The following NSD3 variants were observed in gnomAD, a reference collection of about 807,000 sequenced individuals.
NSD3 encodes histone-lysine N-methyltransferase NSD3.
Under a neutral mutation model 160.8 loss-of-function variants are expected in NSD3, and 24 were observed. The ratio of observed to expected loss-of-function variants is 0.15; its 90% confidence interval spans 0.11 to 0.21. The LOEUF (loss-of-function observed/expected upper bound fraction) is 0.21. Ranked by LOEUF, NSD3 falls within the 10% of genes least tolerant of loss-of-function variation. The pLI is 1.00. For missense variants in NSD3, 1,157 were observed against 1,735.9 expected (o/e 0.67, Z 5.93); for synonymous variants, 520 against 600.0 (o/e 0.87, Z 1.95).
At chr8:38,347,092 A>G (rs758698589) in intron 2 of NSD3, among the ~76,000 whole-genome samples, 17 of 152,198 alleles carry the variant, frequency 1.1e-4, no homozygotes, top group Non-Finnish European at 2.5e-4. Flanking sequence ...GTTATTTTGT[A>G]GCAAACATTA....
chr8:38,361,349 C>T (rs958895137), intron 1 of NSD3, among the ~76,000 whole-genome samples: 12 of 151,612 alleles, frequency 7.9e-5, no homozygotes, highest in Non-Finnish European at 1.5e-5. Context: ...AGACTGGTCT[C>T]CAACTCCTGG....
intron 1 of NSD3, among the ~76,000 whole-genome samples, chr8:38,351,731 C>T (rs1232688949): frequency 5.3e-5 from 8 of 151,222 alleles, no homozygotes; most frequent in Non-Finnish European, 1.0e-4. Flanking sequence ...GGGACATGGA[C>T]GAAGCTGGAA....
At chr8:38,323,556 G>C (rs1220050962) in intron 7 of NSD3, among the ~76,000 whole-genome samples, 1 of 152,124 alleles carries the variant, frequency 6.6e-6, no homozygotes, top group Non-Finnish European at 1.5e-5. Context: ...AGCGACTCAT[G>C]TCTGTAATCC....
chr8:38,354,069 T>C (rs111684217), intron 1 of NSD3, among the ~76,000 whole-genome samples: 2,186 of 152,356 alleles, frequency 0.014, 30 homozygotes, highest in Middle Eastern at 0.041. Context: ...TCCACCACTT[T>C]TCTAGCTTCC....
Position 38,329,651 on chromosome 8 carries a change from C to T in NSD3, c.1308G>A (p.Gly436=). Residue 436 remains glycine (G), a synonymous_variant, in exon 6 of 24, where the codon GGG becomes GGA. Coordinates refer to ENST00000317025, the MANE Select transcript of NSD3 (RefSeq NM_023034.2). This position sits in a 1 kb window ranked among gnomAD's most constrained non-coding sequence, Gnocchi z 4.8. The part of the protein sequence containing the change: ...LNTQPEQTNA[G]EVASSLSSTE... ...TACTTGAGAGTGAGGAGGCCACCTCCCCTGCATTGGTCTGTTCTGGCTGAG... is the reference window on the plus strand; with the variant it reads ...TACTTGAGAGTGAGGAGGCCACCTCTCCTGCATTGGTCTGTTCTGGCTGAG... The T allele has an allele frequency of 6.2e-7, 1 of 1,614,228 alleles. No individual in the cohort carries two copies. Among genetic ancestry groups the T allele is most frequent in the South Asian group, 1.1e-5 (1 of 91,090 alleles).
At chr8:38,358,007 A>AT (rs1248427845) in intron 1 of NSD3, among the ~76,000 whole-genome samples, 7 of 152,156 alleles carry the variant, frequency 4.6e-5, no homozygotes, top group African/African-American at 1.7e-4. Context: ...AGAGACTGGA[A>AT]TGAAGTCAAA....
At chr8:38,331,102 A>G (rs1810047903) in intron 5 of NSD3, among the ~76,000 whole-genome samples, 1 of 152,260 alleles carries the variant, frequency 6.6e-6, no homozygotes, top group African/African-American at 2.4e-5. Context: ...AAACATGCTG[A>G]AATAGAAAAA....
intron 12 of NSD3, among the ~76,000 whole-genome samples, chr8:38,306,513 A>G (rs1004526254): frequency 2.6e-5 from 4 of 152,162 alleles, no homozygotes; most frequent in African/African-American, 9.7e-5. Flanking sequence ...CTAAACAGGA[A>G]AAAAAGAAGA....
At chr8:38,277,896 G>A (rs1292634905) in intron 22 of NSD3, among the ~76,000 whole-genome samples, 1 of 151,388 alleles carries the variant, frequency 6.6e-6, no homozygotes, top group African/African-American at 2.4e-5. Flanking sequence ...GTGCCCAATT[G>A]CCAGCAGGTT....
chr8:38,294,562 T>C (rs1412685876), intron 16 of NSD3, among the ~76,000 whole-genome samples: 1 of 152,182 alleles, frequency 6.6e-6, no homozygotes, highest in African/African-American at 2.4e-5. Flanking sequence ...AGTTTTCTCT[T>C]TACACATGGT....
In NSD3 at chr8:38,275,397, CACAATAAAAG is replaced by C. The variant is rs2130978323; in HGVS notation, c.*234_*243del. On this transcript the variant is annotated 3_prime_UTR_variant, in exon 24 of 24. Transcript: ENST00000317025. ...TTTTCAAGCTGCAATGGCACTGAAG[CACAATAAAAG>C]GCAAGAAAAGACCAAGGGAATTTAA... 1.6e-5 allele frequency: 7 copies of C among 446,010 alleles called. No individual in the cohort carries two copies. The South Asian group carries it at 2.5e-4, about 16-fold the overall frequency. 27.6% of individuals were successfully genotyped at this position (446,010 alleles called of 1,614,324 possible). A position where few individuals can be genotyped will look rare whatever the true frequency, so the allele number is the denominator to read the frequency against.
chr8:38,368,049 G>A (rs933224948), intron 1 of NSD3, among the ~76,000 whole-genome samples: 3 of 152,002 alleles, frequency 2.0e-5, no homozygotes, highest in South Asian at 2.1e-4. Flanking sequence ...GCACAATCTC[G>A]GCTCACTGCA....
chr8:38,275,488 A>T lies in NSD3; in HGVS notation c.*153T>A. 1 of 687,106 alleles carries T rather than the reference A, an allele frequency of 1.5e-6. No homozygotes were observed. Among genetic ancestry groups the T allele is most frequent in the Non-Finnish European group, 2.4e-6 (1 of 418,278 alleles). The allele number at this position is 687,106 out of a possible 1,614,324, so 42.6% of individuals were successfully genotyped here. ...ATCAAACAAAAACCAGACACCACCA[A>T]CTGCTTCTGCCTGCATGAACTGGTT... On this transcript the variant is annotated 3_prime_UTR_variant, in exon 24 of 24. Coordinates refer to ENST00000317025, the MANE Select transcript of NSD3 (RefSeq NM_023034.2).
intron 1 of NSD3, among the ~76,000 whole-genome samples, chr8:38,350,973 C>CT (rs35184943): frequency 0.21 from 28,513 of 134,112 alleles, 3,235 homozygotes; most frequent in East Asian, 0.3. Context: ...CTAGAAAGTT[C>CT]TTTTTTTTTT....
intron 12 of NSD3, among the ~76,000 whole-genome samples, chr8:38,308,913 G>A (rs150927307): frequency 6.6e-6 from 1 of 152,126 alleles, no homozygotes; most frequent in Non-Finnish European, 1.5e-5. Flanking sequence ...TGCTAACAGA[G>A]AGCTGAACTA....
intron 1 of NSD3, among the ~76,000 whole-genome samples, chr8:38,348,423 T>C (rs1810586571): frequency 6.6e-6 from 1 of 152,216 alleles, no homozygotes. Flanking sequence ...TGTTTGAAAC[T>C]CCTGATTACT....
rs1809794488 is a variant in NSD3, at chr8:38,321,472, C to T, written c.1709-300G>A. Among the ~76,000 whole-genome samples, 1 of 152,052 alleles carries T rather than the reference C, an allele frequency of 6.6e-6. No homozygotes were observed. Among genetic ancestry groups the T allele is most frequent in the Admixed American group, 6.6e-5 (1 of 15,262 alleles). On this transcript the variant is annotated intron_variant, in intron 7 of 23. Coordinates refer to ENST00000317025, the MANE Select transcript of NSD3 (RefSeq NM_023034.2). The surrounding 1 kb of genome is among the most constrained non-coding windows in gnomAD (Gnocchi z 4.7). ...ACAGCAGACACATTAGTTTTAAAGG[C>T]ACATAAACATCTTTAGGTAAATATA...
intron 1 of NSD3, among the ~76,000 whole-genome samples, chr8:38,367,360 A>G (rs974105190): frequency 1.3e-5 from 2 of 152,202 alleles, no homozygotes; most frequent in Non-Finnish European, 2.9e-5. Flanking sequence ...TTATCAATAC[A>G]TAAGTGTAGG....
chr8:38,376,658 A>C (rs983500907), intron 1 of NSD3, among the ~76,000 whole-genome samples: 1 of 152,072 alleles, frequency 6.6e-6, no homozygotes, highest in Non-Finnish European at 1.5e-5. Context: ...GTTGGTCTTG[A>C]ACTCCTGACC....
Sources: gnomAD v4.1 joint callset for allele counts (sites outside exome capture counted in the v4.1 genomes callset) on GRCh38, gnomAD v4.1.1 for gene constraint, Gnocchi (gnomAD v3.1) non-coding constraint, MANE v1.5 for transcripts, NCBI Gene and HGNC (gene_info 2026-07-23, HGNC 2026-07-21) for gene names.